PLA2G2F: variants seen among roughly 807,000 people sequenced by gnomAD.
The protein encoded by PLA2G2F is phospholipase A2 group IIF.
In PLA2G2F, 17 loss-of-function variants were observed where a neutral mutation model predicts 15.9. The ratio of observed to expected loss-of-function variants is 1.07; its 90% CI spans 0.73 to 1.60. The LOEUF is 1.60. Ranked by LOEUF, PLA2G2F falls within the 40% of genes most tolerant of loss-of-function variation. PLA2G2F has a pLI of 0.00. For missense variants in PLA2G2F, 299 were observed against 278.2 expected (o/e 1.07, Z -0.53); for synonymous variants, 119 against 106.5 (o/e 1.12, Z -0.72).
At chr1:20,143,694 C>CT in intron 3 of PLA2G2F, 104 bp downstream of exon 3, 1 of 1,395,292 alleles carries the variant, frequency 7.2e-7, no homozygotes, top group Non-Finnish European at 9.7e-7. Flanking sequence ...CTTCTTTCCC[C>CT]AAAGGATCCA....
At chr1:20,146,277 T>A (rs2017604144) in intron 4 of PLA2G2F, among the ~76,000 whole-genome samples, 1 of 152,208 alleles carries the variant, frequency 6.6e-6, no homozygotes, top group African/African-American at 2.4e-5. Context: ...CTGGCCTGTT[T>A]CCTCACTCAT....
rs963204434 is a variant in PLA2G2F at position 20,141,814 on chromosome 1, C to T, written c.169+1596C>T. ...ATCCTCTGCTTTGGGCATTGTGATC[C>T]GAGAGGTTGCTGGTGTGTGCCAGGC... is the stretch of plus-strand genomic sequence containing the variant. On this transcript the variant is annotated intron_variant, in intron 2 of 4. Transcript: ENST00000375102. 5.9e-5 allele frequency: 9 copies of T among 152,300 alleles called. No homozygotes were observed. In the South Asian group the frequency reaches 6.2e-4, roughly 11 times the overall value. 9.4% of individuals were successfully genotyped at this position (152,300 alleles called of 1,614,324 possible).
At chr1:20,145,604 T>TTAA in intron 4 of PLA2G2F, among the ~76,000 whole-genome samples, 1 of 150,798 alleles carries the variant, frequency 6.6e-6, no homozygotes, top group African/African-American at 2.4e-5. Flanking sequence ...TACCTGAAAT[T>TTAA]TTAATTAATT....
chr1:20,144,227 C>T (rs2017538518), intron 3 of PLA2G2F: 2 of 293,270 alleles, frequency 6.8e-6, no homozygotes, highest in Admixed American at 9.0e-5. Flanking sequence ...AGTCGACGCT[C>T]CTCCAACCTT....
At chr1:20,144,447 G>C (rs2017543134) in intron 3 of PLA2G2F, 133 bp from the exon 4 acceptor site, 1 of 684,092 alleles carries the variant, frequency 1.5e-6, no homozygotes, top group African/African-American at 1.8e-5. Context: ...CCTCAGACAA[G>C]TAACTGTCCC....
chr1:20,139,377 G>A lies in PLA2G2F; in HGVS notation c.-51G>A, dbSNP rs111426554. On this transcript the variant is annotated 5_prime_UTR_variant, in exon 1 of 5. Coordinates refer to ENST00000375102, the MANE Select transcript of PLA2G2F (RefSeq NM_022819.4). ...GCCTGCTCCCCGCAGCCTCTGGAGC[G>A]CATCTCAGACCTTCTGAGACCTATG... 2.3e-5 allele frequency: 32 copies of A among 1,385,226 alleles called. No homozygotes were observed. Among genetic ancestry groups the A allele is most frequent in the Admixed American group, 2.2e-4 (11 of 50,588 alleles). The allele number at this position is 1,385,226 out of a possible 1,614,324, so 85.8% of individuals were successfully genotyped here.
intron 3 of PLA2G2F, chr1:20,144,004 T>C (rs1569897668): frequency 1.1e-5 from 2 of 188,224 alleles, no homozygotes; most frequent in East Asian, 2.8e-4. Flanking sequence ...GCTTGTCTTC[T>C]GCTCCTATCT....
At chr1:20,144,800 G>A (rs927054609) in intron 4 of PLA2G2F, 111 bp downstream of exon 4, 9 of 950,382 alleles carry the variant, frequency 9.5e-6, no homozygotes, top group African/African-American at 1.6e-5. Context: ...CTGCCAGCCG[G>A]GTGCGGTGGC....
chr1:20,146,743 C>G (rs1460825254), intron 4 of PLA2G2F, among the ~76,000 whole-genome samples: 1 of 152,138 alleles, frequency 6.6e-6, no homozygotes, highest in Non-Finnish European at 1.5e-5. Context: ...CCCTTGGGGG[C>G]CCAGATCTCT....
chr1:20,143,345 A>C, intron 2 of PLA2G2F, 101 bp from the exon 3 acceptor site: 2 of 1,384,564 alleles, frequency 1.4e-6, no homozygotes. Flanking sequence ...CACCTACCCT[A>C]GGTATTGGGA....
Position 20,148,559 on chromosome 1 carries a change from A to G in PLA2G2F, c.*158A>G, listed in dbSNP as rs2017663427. On this transcript the variant is annotated 3_prime_UTR_variant, in exon 5 of 5. Transcript: ENST00000375102. ...GGCTCAGCTCTCAGAGGACTCAGGA[A>G]GGCCTGGGTCCTGACTCCCCCAGCC... is the stretch of plus-strand genomic sequence containing the variant. 3.1e-6 allele frequency: 2 copies of G among 638,188 alleles called. No individual in the cohort carries two copies. Among genetic ancestry groups the G allele is most frequent in the East Asian group, 5.5e-5 (2 of 36,514 alleles). The allele number at this position is 638,188 out of a possible 1,614,324, so 39.5% of individuals were successfully genotyped here.
In PLA2G2F at chr1:20,140,532, T is replaced by C. The variant is rs2017436599; in HGVS notation, c.169+314T>C. 3 of 324,232 alleles carry C rather than the reference T, an allele frequency of 9.3e-6. No homozygotes were observed. In the South Asian group the frequency reaches 1.5e-4, roughly 17 times the overall value. 20.1% of individuals were successfully genotyped at this position (324,232 alleles called of 1,614,324 possible). On this transcript the variant is annotated intron_variant, in intron 2 of 4. Coordinates refer to ENST00000375102, the MANE Select transcript of PLA2G2F (RefSeq NM_022819.4). ...TGTGTGTCCATCAGACTGGAGTTAA[T>C]GATTTTGTGTGCAGACAGGCACAGG...
Position 20,150,168 on chromosome 1 carries a change from G to C in PLA2G2F, c.*1767G>C, listed in dbSNP as rs1293507134. The C allele has an allele frequency of 6.6e-6, 1 of 152,364 alleles. No homozygotes were observed. The highest frequency in any genetic ancestry group is 2.4e-5 in the African/African-American group (1 of 41,430). The allele number at this position is 152,364 out of a possible 1,614,324, so 9.4% of individuals were successfully genotyped here. A position where few individuals can be genotyped will look rare whatever the true frequency, so the allele number is the denominator to read the frequency against. On this transcript the variant is annotated 3_prime_UTR_variant, in exon 5 of 5. Coordinates refer to ENST00000375102, the MANE Select transcript of PLA2G2F (RefSeq NM_022819.4). ...TGCTGGCCATGGTTCTCCGGCTTGG[G>C]GGAACGCAGGTTCCCAGCTGCGCCC...
chr1:20,141,107 T>C (rs1462248264), intron 2 of PLA2G2F: 1 of 152,240 alleles, frequency 6.6e-6, no homozygotes, highest in Non-Finnish European at 1.5e-5. Context: ...GACTTGTTAT[T>C]GAGAAGACGA....
chr1:20,141,029 T>G (rs75377359), intron 2 of PLA2G2F: 1 of 152,114 alleles, frequency 6.6e-6, no homozygotes, highest in East Asian at 1.9e-4. Context: ...AAGAAATAAA[T>G]GACAAAAACC....
At chr1:20,148,044 TG>T in intron 4 of PLA2G2F, 145 bp from the exon 5 acceptor site, 1 of 685,074 alleles carries the variant, frequency 1.5e-6, no homozygotes, top group Non-Finnish European at 2.6e-6. Context: ...GTGGGGCCCG[TG>T]GGTGGTGCTG....
At position 20,148,467 on chromosome 1, in the gene PLA2G2F, G is replaced by C. The variant is rs2017660887; in HGVS notation, c.*66G>C. On this transcript the variant is annotated 3_prime_UTR_variant, in exon 5 of 5. Coordinates refer to ENST00000375102, the MANE Select transcript of PLA2G2F (RefSeq NM_022819.4). ...GCTTGGGGACCAGACGAGGTGCAGG[G>C]AGGGTAGGAGCCAGGCCAGGAGCCT... 2 of 1,384,924 alleles carry C rather than the reference G, an allele frequency of 1.4e-6. No homozygotes were observed. The highest frequency in any genetic ancestry group is 2.8e-5 in the African/African-American group (2 of 70,656). 85.8% of individuals were successfully genotyped at this position (1,384,924 alleles called of 1,614,324 possible). A position where few individuals can be genotyped will look rare whatever the true frequency, so the allele number is the denominator to read the frequency against.
intron 4 of PLA2G2F, among the ~76,000 whole-genome samples, chr1:20,147,742 G>T (rs1311484144): frequency 6.6e-6 from 1 of 152,112 alleles, no homozygotes; most frequent in East Asian, 1.9e-4. Flanking sequence ...AAGCCACTGC[G>T]CCCGGCAATA....
chr1:20,144,203 T>C (rs1429595660), intron 3 of PLA2G2F: 1 of 249,150 alleles, frequency 4.0e-6, no homozygotes, highest in Non-Finnish European at 7.8e-6. Flanking sequence ...CAGCCAGGGG[T>C]GGCCTCTGCC....
Sources: allele counts gnomAD v4.1 joint callset (sites outside exome capture counted in the v4.1 genomes callset), GRCh38; gene constraint gnomAD v4.1.1; transcripts MANE v1.5; gene names NCBI Gene and HGNC (gene_info 2026-07-23, HGNC 2026-07-21).